Variants in TGFBI observed in about 807,000 individuals in gnomAD.
The protein encoded by TGFBI is transforming growth factor-beta-induced protein ig-h3.
TGFBI carries 50 observed loss-of-function variants against 73.7 expected under a neutral mutation model. The observed-to-expected ratio is 0.68, with a 90% CI of 0.54 to 0.86. TGFBI has a LOEUF of 0.86. TGFBI is among the 40% of genes least tolerant of loss of function. The pLI is 0.00. For missense variants in TGFBI, 839 were observed against 877.0 expected (o/e 0.96, Z 0.55); for synonymous variants, 362 against 360.5 (o/e 1.00, Z -0.05).
At chr5:136,043,833 G>A (rs1751380810) in intron 2 of TGFBI, among the ~76,000 whole-genome samples, 1 of 152,244 alleles carries the variant, frequency 6.6e-6, no homozygotes, top group Non-Finnish European at 1.5e-5. Context: ...GTTGGCTGTA[G>A]GTGTTGGCAG....
At chr5:136,060,380 G>A (rs903466399) in intron 13 of TGFBI, among the ~76,000 whole-genome samples, 7 of 152,218 alleles carry the variant, frequency 4.6e-5, no homozygotes, top group Non-Finnish European at 1.0e-4. Context: ...TCATTCACCA[G>A]AGTATCCCCA....
At chr5:136,040,207 C>T (rs1157913107) in intron 2 of TGFBI, among the ~76,000 whole-genome samples, 1 of 152,142 alleles carries the variant, frequency 6.6e-6, no homozygotes, top group African/African-American at 2.4e-5. Flanking sequence ...TGGAGAGCCT[C>T]CCAGACATCC....
chr5:136,055,692 G>A lies in TGFBI; in HGVS notation c.1423G>A (p.Glu475Lys). ...VFVYRNSLCI[E>K]NSCIAAHDKR... ...CTCTTCTGTGCAGAGCCTCTGCATT[G>A]AGAACAGCTGCATCGCGGCCCACGA... Residue 475 changes from glutamate to lysine, a missense_variant, in exon 11 of 17, where the codon GAG becomes AAG. By Grantham distance (56) the Glu-to-Lys change is moderately conservative. Coordinates refer to ENST00000442011, the MANE Select transcript of TGFBI (RefSeq NM_000358.3). 3 of 1,605,948 alleles carry A rather than the reference G, an allele frequency of 1.9e-6. No individual in the cohort carries two copies. Among genetic ancestry groups the A allele is most frequent in the Non-Finnish European group, 1.7e-6 (2 of 1,173,806 alleles).
At chr5:136,037,917 G>A (rs147384834) in intron 2 of TGFBI, among the ~76,000 whole-genome samples, 52 of 152,246 alleles carry the variant, frequency 3.4e-4, no homozygotes, top group East Asian at 1.2e-3. Flanking sequence ...AAGAGCTGTC[G>A]TTTTCCTCCC....
Position 136,060,570 on chromosome 5 carries a change from C to T in TGFBI, c.1804-264C>T, listed in dbSNP as rs539044556. Among the ~76,000 whole-genome samples the T allele has an allele frequency of 1.8e-3, 270 of 152,184 alleles. 1 individual carries two copies. The highest frequency in any genetic ancestry group is 5.2e-3 in the African/African-American group (217 of 41,530). On this transcript the variant is annotated intron_variant, in intron 13 of 16. Coordinates refer to ENST00000442011, the MANE Select transcript of TGFBI (RefSeq NM_000358.3). ...TACTAAAAATACAAAATTAGCTGGG[C>T]GTGGTGGCACATGCCTGTAATCACA...
At chr5:136,042,554 C>A (rs566449626) in intron 2 of TGFBI, among the ~76,000 whole-genome samples, 24 of 152,068 alleles carry the variant, frequency 1.6e-4, no homozygotes, top group African/African-American at 5.5e-4. Flanking sequence ...CAAGATGAGT[C>A]CCAAGACAAT....
chr5:136,055,943 T>A, intron 11 of TGFBI, 127 bp downstream of exon 11: 1 of 1,015,914 alleles, frequency 9.8e-7, no homozygotes, highest in Non-Finnish European at 1.3e-6. Context: ...AGTGCACTGC[T>A]GCGACCTTCC....
intron 6 of TGFBI, chr5:136,047,641 C>T: frequency 1.7e-6 from 1 of 572,712 alleles, no homozygotes; most frequent in African/African-American, 1.9e-5. Flanking sequence ...TGTTCCCTTC[C>T]TTGCCTCCCC....
intron 9 of TGFBI, among the ~76,000 whole-genome samples, 199 bp from the exon 10 acceptor site, chr5:136,054,516 AC>A (rs1179003655): frequency 3.9e-4 from 60 of 152,308 alleles, no homozygotes; most frequent in African/African-American, 1.4e-3. Flanking sequence ...AAAACTCCAA[AC>A]ACCCTTGATT....
chr5:136,043,648 G>A (rs1455626489), intron 2 of TGFBI, among the ~76,000 whole-genome samples: 4 of 152,220 alleles, frequency 2.6e-5, no homozygotes, highest in Non-Finnish European at 5.9e-5. Flanking sequence ...CAGCTGGTCA[G>A]TGAAAGACTC....
intron 6 of TGFBI, chr5:136,047,676 G>A: frequency 2.1e-6 from 1 of 480,830 alleles, no homozygotes; most frequent in Non-Finnish European, 3.8e-6. Flanking sequence ...GTGTGTGGCT[G>A]CAGCAGCACA....
At chr5:136,060,136 TC>T (rs11348106) in intron 13 of TGFBI, among the ~76,000 whole-genome samples, 82,878 of 151,580 alleles carry the variant, frequency 0.55, 23,654 homozygotes, top group African/African-American at 0.72. Flanking sequence ...GTCTTCCATT[TC>T]CAGCTGTTCC....
In TGFBI at chr5:136,052,924, A is replaced by G. The variant is rs1561612462; in HGVS notation, c.931A>G (p.Ile311Val). The stretch of plus-strand genomic sequence containing the variant: ...GACCCCAGACCTGCTGAACAACCAC[A>G]TCTTGAAGTCAGCTATGTGTGCTGA... ...EALRDLLNNH[I>V]LKSAMCAEAI... The change falls in exon 8 of 17, where the codon ATC becomes GTC. Residue 311 changes from isoleucine to valine, a missense_variant. By Grantham distance (29) the Ile-to-Val change is conservative (BLOSUM62 3). Transcript: ENST00000442011. The G allele has an allele frequency of 2.5e-6, 4 of 1,613,768 alleles. No individual in the cohort carries two copies. In the South Asian group the frequency reaches 4.4e-5, roughly 18 times the overall value.
Position 136,059,343 on chromosome 5 carries a change from C to T in TGFBI, c.1803+129C>T, listed in dbSNP as rs183547419. 1.7e-5 allele frequency: 23 copies of T among 1,339,660 alleles called. No homozygotes were observed. In the African/African-American group the frequency reaches 2.2e-4, roughly 13 times the overall value. The allele number at this position is 1,339,660 out of a possible 1,614,324, so 83.0% of individuals were successfully genotyped here. A position where few individuals can be genotyped will look rare whatever the true frequency, so the allele number is the denominator to read the frequency against. On this transcript the variant is annotated intron_variant, in intron 13 of 16. Transcript: ENST00000442011. ...GCAGCCCGAATCTCTGAGTGTAATT[C>T]GTCCAAAGAAAAAGAGAAAAGAGAA...
At chr5:136,042,516 G>T (rs1053473597) in intron 2 of TGFBI, among the ~76,000 whole-genome samples, 5 of 152,148 alleles carry the variant, frequency 3.3e-5, no homozygotes, top group African/African-American at 9.7e-5. Context: ...GATGACTTTA[G>T]TTTCTGAAGA....
In TGFBI at chr5:136,054,718, G is replaced by A; in HGVS notation, c.1267G>A (p.Gly423Arg). The change falls in exon 10 of 17, where the codon GGA becomes AGA. Residue 423 changes from glycine (G) to arginine (R), a missense_variant and splice_region_variant. Transcript: ENST00000442011. ...LAPLNSVFKD[G>R]TPPIDAHTRN... ...CTAACCATCACCCTTTCTTGTAGAT[G>A]GAACCCCTCCAATTGATGCCCATAC... 1.2e-6 allele frequency: 2 copies of A among 1,613,916 alleles called. No homozygotes were observed. The highest frequency in any genetic ancestry group is 1.7e-6 in the Non-Finnish European group (2 of 1,179,888).
intron 3 of TGFBI, among the ~76,000 whole-genome samples, chr5:136,045,322 C>A (rs1751409233): frequency 6.6e-6 from 1 of 152,114 alleles, no homozygotes; most frequent in African/African-American, 2.4e-5. Context: ...GCAGGTGGAT[C>A]AACTGAGGTC....
intron 7 of TGFBI, 45 bp from the exon 8 acceptor site, chr5:136,052,862 T>C: frequency 6.3e-7 from 1 of 1,587,596 alleles, no homozygotes; most frequent in East Asian, 2.2e-5. Context: ...CCTGAGGTTA[T>C]CGTGGAGTGG....
intron 12 of TGFBI, among the ~76,000 whole-genome samples, chr5:136,057,578 G>A (rs1751670838): frequency 6.6e-6 from 1 of 152,012 alleles, no homozygotes; most frequent in African/African-American, 2.4e-5. Context: ...GGGGCGGGGG[G>A]AGCAGGAATG....
Sources: gnomAD v4.1 joint callset for allele counts (sites outside exome capture counted in the v4.1 genomes callset) on GRCh38, gnomAD v4.1.1 for gene constraint, MANE v1.5 for transcripts, NCBI Gene and HGNC (gene_info 2026-07-23, HGNC 2026-07-21) for gene names.